The following FBXL17 variants were observed in gnomAD, a reference collection of about 807,000 sequenced individuals.
FBXL17 encodes the protein F-box and leucine rich repeat protein 17.
A neutral mutation model predicts 66.2 loss-of-function variants in FBXL17; 22 were observed. That is an observed-to-expected ratio of 0.33 (90% confidence interval 0.24 to 0.47). The LOEUF is 0.47. FBXL17 is among the 20% of genes least tolerant of loss of function. The pLI is 1.00. For missense variants in FBXL17, 878 were observed against 948.2 expected (o/e 0.93, Z 0.97); for synonymous variants, 474 against 400.5 (o/e 1.18, Z -2.19).
intron 4 of FBXL17, among the ~76,000 whole-genome samples, chr5:108,306,996 T>G (rs1477416560): frequency 6.6e-6 from 1 of 152,106 alleles, no homozygotes; most frequent in African/African-American, 2.4e-5. Context: ...TTTTATGATA[T>G]ACATTATCTT....
At chr5:108,229,235 A>G (rs1407914973) in intron 4 of FBXL17, among the ~76,000 whole-genome samples, 2 of 152,138 alleles carry the variant, frequency 1.3e-5, no homozygotes, top group Non-Finnish European at 2.9e-5. Flanking sequence ...CCAAAAAAAG[A>G]GCACGCATAG....
chr5:108,300,754 G>GAT (rs1487305608), intron 4 of FBXL17, among the ~76,000 whole-genome samples: 14 of 151,432 alleles, frequency 9.2e-5, no homozygotes, highest in African/African-American at 3.4e-4. Context: ...AAAAAATAAA[G>GAT]ATATATATTT....
chr5:107,864,009 C>T (rs1709707570), intron 8 of FBXL17, among the ~76,000 whole-genome samples: 1 of 152,226 alleles, frequency 6.6e-6, no homozygotes. Context: ...TAAAGATTGC[C>T]TTTTATCTTT....
At position 107,880,879 on chromosome 5, in the gene FBXL17, G is replaced by A. The variant is rs984620901; in HGVS notation, c.1965+158C>T. Reference sequence around the variant, plus strand: ...AATCTCAGATTAGTTTACAAAAGCAGGCAAACAATGCATAGCTATAATTGC... The same window carrying A: ...AATCTCAGATTAGTTTACAAAAGCAAGCAAACAATGCATAGCTATAATTGC... On this transcript the variant is annotated intron_variant, in intron 8 of 8. Transcript: ENST00000542267. The A allele has an allele frequency of 2.8e-6, 4 of 1,412,512 alleles. No homozygotes were observed. The African/African-American group carries it at 5.8e-5, about 20-fold the overall frequency. 87.5% of individuals were successfully genotyped at this position (1,412,512 alleles called of 1,614,324 possible). A position where few individuals can be genotyped will look rare whatever the true frequency, so the allele number is the denominator to read the frequency against.
chr5:108,077,241 G>C (rs1748587289), intron 6 of FBXL17, among the ~76,000 whole-genome samples: 2 of 152,252 alleles, frequency 1.3e-5, no homozygotes, highest in South Asian at 4.2e-4. Flanking sequence ...GAGCCCACAC[G>C]ATCAATCAAT....
intron 1 of FBXL17, among the ~76,000 whole-genome samples, chr5:108,368,853 G>C (rs1372644844): frequency 6.6e-6 from 1 of 151,550 alleles, no homozygotes; most frequent in Non-Finnish European, 1.5e-5. Context: ...AAGTCAAGGC[G>C]GGAACTGTAT....
intron 5 of FBXL17, among the ~76,000 whole-genome samples, chr5:108,202,192 C>T (rs954459194): frequency 2.0e-5 from 3 of 152,110 alleles, no homozygotes; most frequent in Non-Finnish European, 4.4e-5. Context: ...AGAAACTTAT[C>T]GACTCACTTT....
At chr5:107,870,830 C>A (rs1173450464) in intron 8 of FBXL17, among the ~76,000 whole-genome samples, 1 of 151,690 alleles carries the variant, frequency 6.6e-6, no homozygotes, top group Non-Finnish European at 1.5e-5. Flanking sequence ...CGTGATCTAC[C>A]CGCCTCAGCC....
chr5:107,985,890 C>T (rs1752994114), intron 7 of FBXL17, among the ~76,000 whole-genome samples: 8 of 152,112 alleles, frequency 5.3e-5, no homozygotes, highest in Admixed American at 5.2e-4. Context: ...GCAGACGAAA[C>T]AAGTTTAGCT....
intron 7 of FBXL17, among the ~76,000 whole-genome samples, chr5:107,972,645 A>G (rs1421810559): frequency 1.3e-5 from 2 of 152,158 alleles, no homozygotes; most frequent in Non-Finnish European, 2.9e-5. Context: ...TCTTATTCTT[A>G]TAAGCATTCT....
At chr5:108,272,606 G>A (rs956196012) in intron 4 of FBXL17, among the ~76,000 whole-genome samples, 7 of 151,864 alleles carry the variant, frequency 4.6e-5, no homozygotes, top group African/African-American at 7.3e-5. Flanking sequence ...AATCCACCTC[G>A]GTCTCCCAAA....
At chr5:108,265,181 T>C (rs1193992630) in intron 4 of FBXL17, among the ~76,000 whole-genome samples, 1 of 152,170 alleles carries the variant, frequency 6.6e-6, no homozygotes, top group Non-Finnish European at 1.5e-5. Flanking sequence ...TTTGATTATA[T>C]GACTAACCTG....
At chr5:107,908,458 G>A (rs917750833) in intron 7 of FBXL17, among the ~76,000 whole-genome samples, 1 of 152,122 alleles carries the variant, frequency 6.6e-6, no homozygotes, top group African/African-American at 2.4e-5. Flanking sequence ...ATCATTTAAA[G>A]CTAAAAATAT....
chr5:108,074,621 G>A (rs1055992289), intron 6 of FBXL17, among the ~76,000 whole-genome samples: 2 of 151,948 alleles, frequency 1.3e-5, no homozygotes, highest in African/African-American at 4.8e-5. Flanking sequence ...ACCCCTTAAG[G>A]AACACACAAA....
chr5:108,089,050 CCT>C (rs1350729964), intron 6 of FBXL17, among the ~76,000 whole-genome samples: 1 of 152,126 alleles, frequency 6.6e-6, no homozygotes, highest in Non-Finnish European at 1.5e-5. Context: ...ACGTAAAATC[CCT>C]CTTTCCTTCA....
intron 7 of FBXL17, among the ~76,000 whole-genome samples, chr5:107,976,020 G>T (rs977569765): frequency 6.6e-6 from 1 of 151,814 alleles, no homozygotes; most frequent in Non-Finnish European, 1.5e-5. Flanking sequence ...CACCATGCCC[G>T]GCTAATTTTT....
At chr5:107,910,692 T>C (rs557618463) in intron 7 of FBXL17, among the ~76,000 whole-genome samples, 2 of 152,246 alleles carry the variant, frequency 1.3e-5, no homozygotes, top group South Asian at 4.1e-4. Flanking sequence ...AAAAATATTT[T>C]TTAAAAATTT....
chr5:107,878,943 A>T, intron 8 of FBXL17: 1 of 985,456 alleles, frequency 1.0e-6, no homozygotes, highest in Non-Finnish European at 1.2e-6. Flanking sequence ...CTCTGGTTAG[A>T]GAAAGGATTC....
intron 6 of FBXL17, among the ~76,000 whole-genome samples, chr5:108,111,550 A>T (rs1470783591): frequency 2.0e-5 from 3 of 152,212 alleles, no homozygotes; most frequent in Admixed American, 2.0e-4. Context: ...ACTATCATTC[A>T]TTCTTAAGTA....
Sources: allele counts gnomAD v4.1 joint callset (sites outside exome capture counted in the v4.1 genomes callset), GRCh38; gene constraint gnomAD v4.1.1; transcripts MANE v1.5; gene names NCBI Gene and HGNC (gene_info 2026-07-23, HGNC 2026-07-21).